The following BSN variants were observed in gnomAD, a reference collection of about 807,000 sequenced individuals.
BSN encodes protein bassoon.
BSN carries 57 observed loss-of-function variants against 264.8 expected under a neutral mutation model. The ratio of observed to expected loss-of-function variants is 0.22; its 90% CI spans 0.17 to 0.27. BSN has a LOEUF of 0.27. Among genes scored for constraint, BSN ranks in the 10% least tolerant of loss-of-function variants. BSN has a pLI of 1.00. For synonymous variants in BSN, 2,059 were observed against 2,137.3 expected (o/e 0.96, Z 1.01); for missense variants, 4,615 against 5,232.5 (o/e 0.88, Z 3.64).
At chr3:49,659,044 G>C (rs1051123176) in intron 5 of BSN, among the ~76,000 whole-genome samples, 1 of 152,246 alleles carries the variant, frequency 6.6e-6, no homozygotes, top group Non-Finnish European at 1.5e-5. Context: ...TGGGCAGAAT[G>C]TGGGAGGGTG....
chr3:49,614,504 A>G (rs2052243279), intron 1 of BSN, among the ~76,000 whole-genome samples: 1 of 152,216 alleles, frequency 6.6e-6, no homozygotes, highest in South Asian at 2.1e-4. Context: ...TAAACGCCAC[A>G]TGAACCACTA....
At chr3:49,664,347 T>C (rs1376724461) in intron 8 of BSN, 76 bp from the exon 9 acceptor site, 6 of 1,592,510 alleles carry the variant, frequency 3.8e-6, no homozygotes, top group African/African-American at 1.3e-5. Context: ...TCAGATTCTC[T>C]CGTGGGTACT....
chr3:49,661,360 C>T lies in BSN; in HGVS notation c.9515C>T (p.Ser3172Phe). 1.2e-6 allele frequency: 2 copies of T among 1,614,044 alleles called. No homozygotes were observed. The highest frequency in any genetic ancestry group is 1.7e-6 in the Non-Finnish European group (2 of 1,180,046). ...EVIASPVVPM[S>F]SAPSETSYSG... ...ATCGCCAGCCCCGTTGTGCCCATGT[C>T]TTCAGCCCCATCTGAAACCAGCTAC... The change falls in exon 6 of 12, where the codon TCT becomes TTT. Residue 3172 changes from serine to phenylalanine, a missense_variant. Ser to Phe is a radical substitution (Grantham distance 155). This residue lies in a region of BSN where 3,415 missense variants were observed against 3,866.4 expected (regional missense o/e 0.88). Transcript: ENST00000296452.
At chr3:49,626,932 A>G (rs377411637) in intron 2 of BSN, among the ~76,000 whole-genome samples, 40 of 152,316 alleles carry the variant, frequency 2.6e-4, no homozygotes, top group African/African-American at 8.9e-4. Flanking sequence ...AGGACCTTCA[A>G]TGAGGTGGGA....
chr3:49,656,501 C>G lies in BSN; in HGVS notation c.6945C>G (p.Thr2315=). The part of the protein sequence containing the change: ...AAREEPLPTT[T]PAAIKEAAGA... ...GGGAAGAGCCTCTTCCCACAACCAC[C>G]CCTGCTGCCATCAAGGAGGCTGCAG... Residue 2315 remains threonine (T), a synonymous_variant, in exon 5 of 12, where the codon ACC becomes ACG. Coordinates refer to ENST00000296452, the MANE Select transcript of BSN (RefSeq NM_003458.4). The G allele has an allele frequency of 3.1e-6, 5 of 1,588,372 alleles. No homozygotes were observed. Among genetic ancestry groups the G allele is most frequent in the Non-Finnish European group, 4.3e-6 (5 of 1,165,932 alleles).
At chr3:49,605,552 ATATAAT>A (rs2052118589) in intron 1 of BSN, among the ~76,000 whole-genome samples, 1 of 5,868 alleles carries the variant, frequency 1.7e-4, no homozygotes. Context: ...TATATATTTT[ATATAAT>A]ATATATTATA....
chr3:49,672,627 C>T (rs909162127), downstream of BSN, among the ~76,000 whole-genome samples: 2 of 151,374 alleles, frequency 1.3e-5, no homozygotes, highest in South Asian at 4.2e-4. Flanking sequence ...ATTACAGGCG[C>T]GTGCCACCCA....
In BSN at chr3:49,650,820, C is replaced by T; in HGVS notation, c.1727C>T (p.Ser576Phe). The change falls in exon 4 of 12, where the codon TCC becomes TTC. Residue 576 changes from serine (S) to phenylalanine (F), a missense_variant. Coordinates refer to ENST00000296452, the MANE Select transcript of BSN (RefSeq NM_003458.4). The stretch of plus-strand genomic sequence containing the variant: ...CTGCCTGCCAAGGCCAGCCCTCTAT[C>T]CACCAAGGCCAGCCCTCTGCCCAGC... Reference protein sequence around the residue: ...GPLPAKASPLSTKASPLPSKA... With the variant: ...GPLPAKASPLFTKASPLPSKA... 6.2e-7 allele frequency: 1 copy of T among 1,614,118 alleles called. No homozygotes were observed. Among genetic ancestry groups the T allele is most frequent in the South Asian group, 1.1e-5 (1 of 91,086 alleles).
Position 49,657,007 on chromosome 3 carries a change from C to G in BSN, c.7451C>G (p.Pro2484Arg). 1 of 1,610,376 alleles carries G rather than the reference C, an allele frequency of 6.2e-7. No individual in the cohort carries two copies. The highest frequency in any genetic ancestry group is 1.1e-5 in the South Asian group (1 of 90,976). Residue 2484 changes from proline to arginine, a missense_variant, in exon 5 of 12, where the codon CCT becomes CGT. This residue lies in a region of BSN where 3,415 missense variants were observed against 3,866.4 expected (regional missense o/e 0.88). Transcript: ENST00000296452. ...CCCTTTCCTGCAGCCTGTGAGGCACCTGGCCGAGGGCCTCCCCTAGCGGCT... is the reference window on the plus strand; with the variant it reads ...CCCTTTCCTGCAGCCTGTGAGGCACGTGGCCGAGGGCCTCCCCTAGCGGCT... The part of the protein sequence containing the change: ...KAPFPAACEA[P>R]GRGPPLAAAE...
chr3:49,561,004 C>T (rs1164492917), intron 1 of BSN, among the ~76,000 whole-genome samples: 2 of 152,230 alleles, frequency 1.3e-5, no homozygotes, highest in Non-Finnish European at 2.9e-5. Context: ...TGTGATCTCT[C>T]CTTCCTATTA....
intron 1 of BSN, among the ~76,000 whole-genome samples, chr3:49,596,877 A>G (rs573171361): frequency 6.6e-6 from 1 of 152,224 alleles, no homozygotes; most frequent in South Asian, 2.1e-4. Context: ...AGCTTTTGTC[A>G]AATACTTTTT....
chr3:49,671,641 G>A (rs2108108040), downstream of BSN: 1 of 152,516 alleles, frequency 6.6e-6, no homozygotes, highest in South Asian at 2.1e-4. This position sits in a 1 kb window ranked among gnomAD's most constrained non-coding sequence, Gnocchi z 4.1. Context: ...TGGTTAAAGG[G>A]AAAAGGATGG....
intron 3 of BSN, among the ~76,000 whole-genome samples, chr3:49,648,343 C>T (rs1047901761): frequency 6.6e-6 from 1 of 152,210 alleles, no homozygotes; most frequent in African/African-American, 2.4e-5. Context: ...GCACAGGGCT[C>T]CAAAGTGGAG....
At chr3:49,619,998 A>G (rs2052291999) in intron 1 of BSN, among the ~76,000 whole-genome samples, 1 of 152,072 alleles carries the variant, frequency 6.6e-6, no homozygotes, top group Admixed American at 6.5e-5. Context: ...AGTTTAATGC[A>G]GGGATCCCAA....
intron 1 of BSN, among the ~76,000 whole-genome samples, chr3:49,566,513 A>ACAGG (rs1292287371): frequency 2.4e-4 from 37 of 152,126 alleles, no homozygotes; most frequent in Non-Finnish European, 5.0e-4. Context: ...GCCTGGGTGC[A>ACAGG]GTGGCTCCCC....
At chr3:49,666,680 T>C (rs1434408448) in intron 11 of BSN, among the ~76,000 whole-genome samples, 1 of 151,646 alleles carries the variant, frequency 6.6e-6, no homozygotes, top group Non-Finnish European at 1.5e-5. Flanking sequence ...GGAACAGCAC[T>C]GACGGATGAT....
chr3:49,656,824 A>G lies in BSN; in HGVS notation c.7268A>G (p.Lys2423Arg). ...GAGTTGCAGGAGCTGCAGACCATCA[A>G]GCACCATGTGCTGCAGCAGCAGCAA... ...QRELQELQTIKHHVLQQQQEE... is the reference protein window; with the variant it reads ...QRELQELQTIRHHVLQQQQEE... The change falls in exon 5 of 12, where the codon AAG (lysine) becomes AGG (arginine). Residue 2423 changes from lysine to arginine, a missense_variant. Transcript: ENST00000296452. 6.3e-7 allele frequency: 1 copy of G among 1,599,000 alleles called. No homozygotes were observed. The highest frequency in any genetic ancestry group is 8.5e-7 in the Non-Finnish European group (1 of 1,173,490).
Position 49,661,628 on chromosome 3 carries a change from C to A in BSN, c.9783C>A (p.Ser3261Arg), listed in dbSNP as rs775376997. 9 of 1,613,560 alleles carry A rather than the reference C, an allele frequency of 5.6e-6. No homozygotes were observed. The Admixed American group carries it at 1.5e-4, about 27-fold the overall frequency. The change falls in exon 6 of 12, where the codon AGC (serine) becomes AGA (arginine). Residue 3261 changes from serine to arginine, a missense_variant. Ser to Arg is a moderately radical substitution (Grantham distance 110). This residue lies in a region of BSN where 3,415 missense variants were observed against 3,866.4 expected (regional missense o/e 0.88). Coordinates refer to ENST00000296452, the MANE Select transcript of BSN (RefSeq NM_003458.4). ...SQRLEPLGPGSSGRPGKEPGE... is the reference protein window; with the variant it reads ...SQRLEPLGPGRSGRPGKEPGE... The stretch of plus-strand genomic sequence containing the variant: ...GGCTGGAGCCCCTGGGGCCAGGCAG[C>A]AGTGGGCGTCCAGGGAAGGAGCCTG...
In BSN at chr3:49,661,539, G is replaced by C; in HGVS notation, c.9694G>C (p.Val3232Leu). The C allele has an allele frequency of 6.2e-7, 1 of 1,614,038 alleles. No individual in the cohort carries two copies. Among genetic ancestry groups the C allele is most frequent in the Non-Finnish European group, 8.5e-7 (1 of 1,180,040 alleles). ...GGAGCAGAACGTTCCTCGAAACTAC[G>C]TAATGATTGATGACATCAGTGAACT... ...SLEQNVPRNYVMIDDISELTK... is the reference protein window; with the variant it reads ...SLEQNVPRNYLMIDDISELTK... Residue 3232 changes from valine (V) to leucine (L), a missense_variant, in exon 6 of 12, where the codon GTA becomes CTA. Physicochemically the swap from Val to Leu is conservative, Grantham distance 32. Around this residue, in one of 3 missense-constraint regions of BSN, gnomAD observed 3,415 missense variants for 3,866.4 expected, o/e 0.88. Transcript: ENST00000296452.
Sources: allele counts gnomAD v4.1 joint callset (sites outside exome capture counted in the v4.1 genomes callset), GRCh38; gene constraint gnomAD v4.1.1; regional missense constraint gnomAD v4.1.1; non-coding constraint Gnocchi (gnomAD v3.1); transcripts MANE v1.5; gene names NCBI Gene and HGNC (gene_info 2026-07-23, HGNC 2026-07-21).